Variants in PARP8 observed in about 807,000 individuals in gnomAD.
PARP8 encodes the protein poly(ADP-ribose) polymerase family member 8, also known as protein mono-ADP-ribosyltransferase PARP8.
In PARP8, 51 loss-of-function variants were observed where a neutral mutation model predicts 124.1. That is an observed-to-expected ratio of 0.41 (90% CI 0.33 to 0.52). PARP8 has a LOEUF of 0.52. Ranked by LOEUF, PARP8 falls within the 20% of genes least tolerant of loss-of-function variation. The pLI is 0.21. For synonymous variants in PARP8, 391 were observed against 361.5 expected (o/e 1.08, Z -0.93); for missense variants, 860 against 1,018.9 (o/e 0.84, Z 2.12).
At chr5:50,796,595 C>G (rs1335739614) in intron 12 of PARP8, among the ~76,000 whole-genome samples, 2 of 152,130 alleles carry the variant, frequency 1.3e-5, no homozygotes, top group Non-Finnish European at 2.9e-5. Context: ...CAGTAGCTGT[C>G]TAATATTTCT....
At chr5:50,789,270 A>G (rs1741672275) in intron 10 of PARP8, among the ~76,000 whole-genome samples, 3 of 152,204 alleles carry the variant, frequency 2.0e-5, no homozygotes, top group South Asian at 4.1e-4. Context: ...GAAAACACTG[A>G]TAGAGCCAGG....
In PARP8 at chr5:50,750,133, G is replaced by T. The variant is rs2442107; in HGVS notation, c.147-18G>T. 0.64 allele frequency: 954,538 copies of T among 1,487,520 alleles called. 296,623 individuals are homozygous for T. Among genetic ancestry groups the T allele is most frequent in the Non-Finnish European group, 0.66 (717,561 of 1,083,960 alleles). 92.1% of individuals were successfully genotyped at this position (1,487,520 alleles called of 1,614,324 possible). A position where few individuals can be genotyped will look rare whatever the true frequency, so the allele number is the denominator to read the frequency against. On this transcript the variant is annotated intron_variant, in intron 2 of 25. Transcript: ENST00000281631. ...CTTAGCAATAACTTGAGCCTTTTTTGTTTGTTTGTTTTAACAGTGTATCCT... is the reference window on the plus strand; with the variant it reads ...CTTAGCAATAACTTGAGCCTTTTTTTTTTGTTTGTTTTAACAGTGTATCCT...
chr5:50,667,951 G>C, intron 1 of PARP8, 120 bp from the exon 2 acceptor site: 1 of 1,588,210 alleles, frequency 6.3e-7, no homozygotes, highest in Non-Finnish European at 8.5e-7. Flanking sequence ...CCGCCCTCTA[G>C]CCCTTGCCTT....
chr5:50,775,846 A>ATG (rs1440360162), intron 7 of PARP8, among the ~76,000 whole-genome samples: 1 of 152,056 alleles, frequency 6.6e-6, no homozygotes, highest in African/African-American at 2.4e-5. Context: ...CACAAACAGG[A>ATG]ACAATTTGAC....
intron 2 of PARP8, among the ~76,000 whole-genome samples, chr5:50,748,409 C>G (rs773408645): frequency 1.2e-4 from 18 of 152,076 alleles, no homozygotes; most frequent in Non-Finnish European, 1.9e-4. Flanking sequence ...TACTTTTTAA[C>G]AGTCGAATGT....
chr5:50,754,233 G>A (rs1465819323), intron 3 of PARP8, among the ~76,000 whole-genome samples: 5 of 148,888 alleles, frequency 3.4e-5, no homozygotes, highest in African/African-American at 1.3e-4. Context: ...TGCACAACGT[G>A]CAGGTTTGTT....
intron 9 of PARP8, among the ~76,000 whole-genome samples, chr5:50,786,372 C>CT (rs1004614256): frequency 8.3e-4 from 117 of 141,548 alleles, no homozygotes; most frequent in South Asian, 9.0e-4. Flanking sequence ...TTTTTTTTTT[C>CT]TTTTTTTTTT....
Position 50,705,935 on chromosome 5 carries a change from A to G in PARP8, c.146+37810A>G, listed in dbSNP as rs796436118. Among the ~76,000 whole-genome samples the G allele has an allele frequency of 5.9e-5, 9 of 152,298 alleles. 1 individual carries two copies. Among genetic ancestry groups the G allele is most frequent in the African/African-American group, 2.2e-4 (9 of 41,570 alleles). Reference sequence around the variant, plus strand: ...AGGGTCAGTTAGAAGGTTTTCACCCATTTATCATGCACAGTCCTTCAGTGA... The same window carrying G: ...AGGGTCAGTTAGAAGGTTTTCACCCGTTTATCATGCACAGTCCTTCAGTGA... On this transcript the variant is annotated intron_variant, in intron 2 of 25. Coordinates refer to ENST00000281631, the MANE Select transcript of PARP8 (RefSeq NM_024615.4).
chr5:50,799,576 C>T (rs1742961233), intron 14 of PARP8, among the ~76,000 whole-genome samples: 1 of 152,156 alleles, frequency 6.6e-6, no homozygotes, highest in Non-Finnish European at 1.5e-5. Flanking sequence ...TTCTGTGGTT[C>T]ATTTGTCCAT....
At chr5:50,709,552 G>A (rs1277542401) in intron 2 of PARP8, among the ~76,000 whole-genome samples, 1 of 151,466 alleles carries the variant, frequency 6.6e-6, no homozygotes, top group Admixed American at 6.6e-5. Context: ...TCTTTCAACT[G>A]TCTATTCACA....
rs1467986159 is a variant in PARP8 at position 50,844,391 on chromosome 5, A to G, written c.*2323A>G. On this transcript the variant is annotated 3_prime_UTR_variant, in exon 26 of 26. Coordinates refer to ENST00000281631, the MANE Select transcript of PARP8 (RefSeq NM_024615.4). ...TTTTTGAAATTAGGGATACTATAATAACTGATAAAGATGAATTTCTGTGTT... is the reference window on the plus strand; with the variant it reads ...TTTTTGAAATTAGGGATACTATAATGACTGATAAAGATGAATTTCTGTGTT... The G allele has an allele frequency of 6.6e-6, 1 of 151,746 alleles. No individual in the cohort carries two copies. Among genetic ancestry groups the G allele is most frequent in the East Asian group, 1.9e-4 (1 of 5,174 alleles). The allele number at this position is 151,746 out of a possible 1,614,324, so 9.4% of individuals were successfully genotyped here.
At chr5:50,718,960 G>T (rs900339966) in intron 2 of PARP8, among the ~76,000 whole-genome samples, 2 of 151,954 alleles carry the variant, frequency 1.3e-5, no homozygotes. Flanking sequence ...TTCTCTGCAT[G>T]CTCACCAGCA....
chr5:50,684,970 G>C (rs921767392), intron 2 of PARP8, among the ~76,000 whole-genome samples: 8 of 152,156 alleles, frequency 5.3e-5, no homozygotes, highest in African/African-American at 1.9e-4. Context: ...GTCCCACTTA[G>C]AAAACAGTTG....
intron 25 of PARP8, among the ~76,000 whole-genome samples, chr5:50,838,008 AT>A (rs11350410): frequency 0.081 from 12,307 of 152,134 alleles, 579 homozygotes; most frequent in South Asian, 0.16. Flanking sequence ...ATTGAGACCC[AT>A]ATGTAGAAAT....
At chr5:50,806,555 C>T (rs562832162) in intron 14 of PARP8, among the ~76,000 whole-genome samples, 25 of 151,990 alleles carry the variant, frequency 1.6e-4, no homozygotes, top group African/African-American at 4.6e-4. Flanking sequence ...TAAATAAATA[C>T]GGATGATTAT....
chr5:50,754,689 G>A (rs1759717700), intron 3 of PARP8, among the ~76,000 whole-genome samples: 2 of 152,136 alleles, frequency 1.3e-5, no homozygotes, highest in African/African-American at 4.8e-5. Flanking sequence ...AATCCTTTGG[G>A]TATATACCCA....
Position 50,702,256 on chromosome 5 carries a change from A to G in PARP8, c.146+34131A>G, listed in dbSNP as rs192445675. On this transcript the variant is annotated intron_variant, in intron 2 of 25. Coordinates refer to ENST00000281631, the MANE Select transcript of PARP8 (RefSeq NM_024615.4). Reference sequence around the variant, plus strand: ...TTTTTTTAAAAAAGATAAGTATTACATCACAGTTGATCACATAATTGCAGT... The same window carrying G: ...TTTTTTTAAAAAAGATAAGTATTACGTCACAGTTGATCACATAATTGCAGT... Among the ~76,000 whole-genome samples, 3 of 152,176 alleles carry G rather than the reference A, an allele frequency of 2.0e-5. No individual in the cohort carries two copies. In the East Asian group the frequency reaches 5.8e-4, roughly 29 times the overall value.
chr5:50,764,485 A>G (rs1221012726), intron 7 of PARP8, among the ~76,000 whole-genome samples: 1 of 152,216 alleles, frequency 6.6e-6, no homozygotes, highest in Non-Finnish European at 1.5e-5. Flanking sequence ...TAATTGCCAA[A>G]CATTTTATTT....
chr5:50,707,240 T>C (rs1239477933), intron 2 of PARP8, among the ~76,000 whole-genome samples: 1 of 152,080 alleles, frequency 6.6e-6, no homozygotes, highest in African/African-American at 2.4e-5. Flanking sequence ...TAATTCGTCA[T>C]TCAATTAACA....
Sources: allele counts gnomAD v4.1 joint callset (sites outside exome capture counted in the v4.1 genomes callset), GRCh38; gene constraint gnomAD v4.1.1; transcripts MANE v1.5; gene names NCBI Gene and HGNC (gene_info 2026-07-23, HGNC 2026-07-21).